NHSL2: variants seen among roughly 807,000 people sequenced by gnomAD.
NHSL2 encodes the protein NHS-like protein 2.
Under a neutral mutation model 53.4 loss-of-function variants are expected in NHSL2, and 27 were observed. That is an observed-to-expected ratio of 0.51 (90% CI 0.37 to 0.70). The LOEUF is 0.70. Among genes scored for constraint, NHSL2 ranks in the 30% least tolerant of loss-of-function variants. The probability of loss-of-function intolerance (pLI) is 0.00; values close to 1 mark genes in which losing one functional copy is unlikely to be tolerated. For synonymous variants in NHSL2, 408 were observed against 404.1 expected (o/e 1.01, Z -0.12); for missense variants, 892 against 980.1 (o/e 0.91, Z 1.20).
chrX:71,969,402 G>A (rs1286396203), intron 1 of NHSL2, among the ~76,000 whole-genome samples: 2 of 99,836 alleles, frequency 2.0e-5, no homozygotes, highest in African/African-American at 3.8e-5. Flanking sequence ...AACCTCCACC[G>A]CCTGGGTTCA....
At chrX:71,941,952 G>A (rs2041767921) in intron 1 of NHSL2, among the ~76,000 whole-genome samples, 1 of 111,229 alleles carries the variant, frequency 9.0e-6, no homozygotes, top group African/African-American at 3.3e-5. Context: ...TTGTCAGCTT[G>A]GGAGGAATCC....
At position 71,995,286 on chromosome X, in the gene NHSL2, T is replaced by C. The variant is rs549398544; in HGVS notation, c.280+83919T>C. On this transcript the variant is annotated intron_variant, in intron 1 of 7. Transcript: ENST00000633930. ...CCTGCCTATTCCAGCTTGGATCCTC[T>C]ATGCTCTACTCTCAGCACAACAGCC... Among the ~76,000 whole-genome samples, 39 of 112,360 alleles carry C rather than the reference T, an allele frequency of 3.5e-4. No individual in the cohort carries two copies. The South Asian group carries it at 7.0e-3, about 20-fold the overall frequency.
At chrX:72,131,731 C>T (rs1175110900) in intron 1 of NHSL2, 2 of 324,384 alleles carry the variant, frequency 6.2e-6, no homozygotes, top group African/African-American at 5.6e-5. Context: ...GAGGGCCCGG[C>T]GGCTCGGCCC....
intron 1 of NHSL2, among the ~76,000 whole-genome samples, chrX:72,055,048 C>T (rs1255035897): frequency 2.7e-5 from 3 of 111,627 alleles, no homozygotes; most frequent in African/African-American, 6.5e-5. Flanking sequence ...CTTTAGCAAG[C>T]GGGGAGAGAA....
chrX:72,040,645 C>G (rs2042269220), intron 1 of NHSL2, among the ~76,000 whole-genome samples: 1 of 112,230 alleles, frequency 8.9e-6, no homozygotes, highest in Non-Finnish European at 1.9e-5. Flanking sequence ...GGAGCATCCC[C>G]TGAGCACGTG....
At chrX:72,085,085 A>G (rs190502046) in intron 1 of NHSL2, among the ~76,000 whole-genome samples, 1 of 111,890 alleles carries the variant, frequency 8.9e-6, no homozygotes, top group East Asian at 2.8e-4. Context: ...GACCCTTCTA[A>G]CAACCCTCTA....
intron 1 of NHSL2, among the ~76,000 whole-genome samples, chrX:72,092,015 G>A (rs1458623117): frequency 9.0e-6 from 1 of 111,242 alleles, no homozygotes; most frequent in Non-Finnish European, 1.9e-5. Flanking sequence ...CGCACCAAGA[G>A]GACCAAATAC....
rs2042505849 is a variant in NHSL2 at position 72,150,736 on chromosome X, G to T, written c.*7162G>T. On this transcript the variant is annotated 3_prime_UTR_variant, in exon 8 of 8. Transcript: ENST00000633930. ...GGAATTGCAAGCCATGCATCTTTTA[G>T]AGCCACACTAGTCAAATTGATTGGC... is the stretch of plus-strand genomic sequence containing the variant. The T allele has an allele frequency of 8.9e-6, 1 of 111,954 alleles. No individual in the cohort carries two copies. The highest frequency in any genetic ancestry group is 3.7e-4 in the South Asian group (1 of 2,699). The allele number at this position is 111,954 out of a possible 1,213,427, so 9.2% of individuals were successfully genotyped here.
chrX:71,999,319 C>T (rs2042062917), intron 1 of NHSL2, among the ~76,000 whole-genome samples: 1 of 112,252 alleles, frequency 8.9e-6, no homozygotes. Context: ...AGAGGGCGCT[C>T]AATAAATATT....
chrX:71,925,419 A>AC (rs1317356459), intron 1 of NHSL2, among the ~76,000 whole-genome samples: 1 of 103,104 alleles, frequency 9.7e-6, no homozygotes, highest in East Asian at 3.0e-4. Context: ...ATGTTTTTGC[A>AC]CTTTTTTTTT....
At chrX:72,038,231 C>T (rs539024258) in intron 1 of NHSL2, among the ~76,000 whole-genome samples, 26 of 111,998 alleles carry the variant, frequency 2.3e-4, no homozygotes, top group African/African-American at 8.1e-4. Flanking sequence ...TCTGAGATGC[C>T]GCAATCCCTA....
chrX:71,928,473 C>G (rs1422904785), intron 1 of NHSL2, among the ~76,000 whole-genome samples: 3 of 112,178 alleles, frequency 2.7e-5, no homozygotes, highest in Admixed American at 1.9e-4. Flanking sequence ...TGGCCAGTGA[C>G]AGGTTTGTTG....
At chrX:72,136,018 A>G (rs1006198275) in intron 4 of NHSL2, among the ~76,000 whole-genome samples, 1 of 111,777 alleles carries the variant, frequency 8.9e-6, no homozygotes, top group African/African-American at 3.3e-5. Context: ...CCTGGGTGAC[A>G]GTGAGACTTT....
chrX:72,120,889 C>T (rs2042176410), intron 1 of NHSL2, among the ~76,000 whole-genome samples: 2 of 112,573 alleles, frequency 1.8e-5, no homozygotes, highest in South Asian at 3.6e-4. Flanking sequence ...AATTAAGCTG[C>T]AGCCCTTTTA....
At chrX:71,938,149 G>A (rs1425041118) in intron 1 of NHSL2, among the ~76,000 whole-genome samples, 1 of 112,202 alleles carries the variant, frequency 8.9e-6, no homozygotes, top group Non-Finnish European at 1.9e-5. Context: ...TGCCCACTGT[G>A]GTACAACATA....
chrX:72,140,508 T>G lies in NHSL2; in HGVS notation c.2960T>G (p.Leu987Arg). The change falls in exon 6 of 8, where the codon CTC becomes CGC. Residue 987 changes from leucine (L) to arginine (R), a missense_variant. Coordinates refer to ENST00000633930, the MANE Select transcript of NHSL2 (RefSeq NM_001013627.3). ...AGGGTTCTGCCTGAAAGAATTAGCC[T>G]CCAGAGCCAGGAAGAAGCTGAGAAA... ...KVRVLPERIS[L>R]QSQEEAEKKK... is the part of the protein sequence containing the mutation. 1 of 1,210,450 alleles carries G rather than the reference T, an allele frequency of 8.3e-7. No individual in the cohort carries two copies. The highest frequency in any genetic ancestry group is 1.1e-6 in the Non-Finnish European group (1 of 894,972).
intron 1 of NHSL2, among the ~76,000 whole-genome samples, chrX:72,000,632 G>A (rs1219673233): frequency 9.0e-6 from 1 of 111,651 alleles, no homozygotes; most frequent in African/African-American, 3.3e-5. Flanking sequence ...TGTAGTGGCT[G>A]CCTGCATTCC....
chrX:71,961,903 A>G (rs965893014), intron 1 of NHSL2, among the ~76,000 whole-genome samples: 11 of 112,169 alleles, frequency 9.8e-5, no homozygotes, highest in African/African-American at 3.2e-4. Context: ...TCCTGGCCTT[A>G]AGTGATCTGC....
chrX:72,041,588 G>A, intron 1 of NHSL2, among the ~76,000 whole-genome samples: 1 of 112,120 alleles, frequency 8.9e-6, no homozygotes, highest in Non-Finnish European at 1.9e-5. Flanking sequence ...AGAGTGGAGG[G>A]GGCTGGAAAG....
Sources: allele counts gnomAD v4.1 joint callset (sites outside exome capture counted in the v4.1 genomes callset), GRCh38; gene constraint gnomAD v4.1.1; transcripts MANE v1.5; gene names NCBI Gene and HGNC (gene_info 2026-07-23, HGNC 2026-07-21).